The following MLXIP variants were observed in gnomAD, a reference collection of about 807,000 sequenced individuals.
MLXIP encodes the protein MLX-interacting protein.
Under a neutral mutation model 87.2 loss-of-function variants are expected in MLXIP, and 30 were observed. The ratio of observed to expected loss-of-function variants is 0.34; its 90% CI spans 0.26 to 0.47. The LOEUF (loss-of-function observed/expected upper bound fraction) is 0.47. Among genes scored for constraint, MLXIP ranks in the 20% least tolerant of loss-of-function variants. The pLI, the probability that MLXIP is intolerant of heterozygous loss-of-function variation, is 1.00. For synonymous variants in MLXIP, 530 were observed against 514.0 expected (o/e 1.03, Z -0.42); for missense variants, 1,002 against 1,240.1 (o/e 0.81, Z 2.88).
chr12:122,117,450 A>G (rs1952709749), intron 1 of MLXIP, among the ~76,000 whole-genome samples: 1 of 152,244 alleles, frequency 6.6e-6, no homozygotes. Flanking sequence ...CCCACATCCC[A>G]GGACTAGCCG....
chr12:122,132,768 TG>T (rs11315875), intron 8 of MLXIP: 97,033 of 197,106 alleles, frequency 0.49, 24,849 homozygotes, highest in Admixed American at 0.57. Context: ...TACAGGTGCT[TG>T]GGGCTACAGA....
At chr12:122,099,545 G>A (rs1184135650) in intron 1 of MLXIP, among the ~76,000 whole-genome samples, 2 of 152,232 alleles carry the variant, frequency 1.3e-5, no homozygotes, top group African/African-American at 2.4e-5. Context: ...CCTGCAGCCC[G>A]GGCTGATTTC....
intron 1 of MLXIP, among the ~76,000 whole-genome samples, chr12:122,100,192 CCT>C (rs1003922241): frequency 6.6e-6 from 1 of 152,156 alleles, no homozygotes; most frequent in African/African-American, 2.4e-5. Context: ...TTGGGAAGCA[CCT>C]CTGTGGTACC....
chr12:122,110,807 G>A lies in MLXIP; in HGVS notation c.414-16449G>A, dbSNP rs546330332. ...AAAAATAAAAAAAGGGCTGGGCGCA[G>A]TGGCTCACGCCTGTAATCCCAGCAC... On this transcript the variant is annotated intron_variant, in intron 1 of 16. Coordinates refer to ENST00000319080, the MANE Select transcript of MLXIP (RefSeq NM_014938.6). 1.3e-5 allele frequency among the ~76,000 whole-genome samples: 2 copies of A among 152,088 alleles called. 1 individual carries two copies. Among genetic ancestry groups the A allele is most frequent in the South Asian group, 4.2e-4 (2 of 4,818 alleles).
At chr12:122,122,646 A>G (rs1159123905) in intron 1 of MLXIP, among the ~76,000 whole-genome samples, 1 of 151,454 alleles carries the variant, frequency 6.6e-6, no homozygotes, top group African/African-American at 2.4e-5. Flanking sequence ...GGTTCACGCC[A>G]TTCTCCGGCC....
intron 4 of MLXIP, 153 bp from the exon 5 acceptor site, chr12:122,129,435 G>A (rs1028070685): frequency 2.2e-6 from 1 of 448,380 alleles, no homozygotes; most frequent in Non-Finnish European, 2.9e-6. Context: ...CCCCATCTGT[G>A]CACTGGGTGG....
In MLXIP at chr12:122,137,017, G is replaced by A. The variant is rs956852862; in HGVS notation, c.2033-452G>A. On this transcript the variant is annotated intron_variant, in intron 11 of 16. Transcript: ENST00000319080. The surrounding 1 kb of genome is among the most constrained non-coding windows in gnomAD (Gnocchi z 4.1). ...GGGCCGAGAAGGCCGAGTCCACCTGGGACTGAGCACGGTCACTCACTCCTC... is the reference window on the plus strand; with the variant it reads ...GGGCCGAGAAGGCCGAGTCCACCTGAGACTGAGCACGGTCACTCACTCCTC... 1 of 152,184 alleles carries A rather than the reference G, an allele frequency of 6.6e-6. No individual in the cohort carries two copies. The highest frequency in any genetic ancestry group is 2.4e-5 in the African/African-American group (1 of 41,372). The allele number at this position is 152,184 out of a possible 1,614,324, so 9.4% of individuals were successfully genotyped here. A position where few individuals can be genotyped will look rare whatever the true frequency, so the allele number is the denominator to read the frequency against.
At chr12:122,092,475 A>T (rs1006653153) in intron 1 of MLXIP, among the ~76,000 whole-genome samples, 7 of 152,110 alleles carry the variant, frequency 4.6e-5, no homozygotes, top group African/African-American at 1.2e-4. Flanking sequence ...CAGGACCATA[A>T]TCTTCTGAAT....
At chr12:122,122,370 A>T (rs77602909) in intron 1 of MLXIP, among the ~76,000 whole-genome samples, 2,949 of 151,698 alleles carry the variant, frequency 0.019, 101 homozygotes, top group African/African-American at 0.068. Flanking sequence ...TGGGCTTTGT[A>T]AAAAAAATTT....
chr12:122,129,405 G>T, intron 4 of MLXIP, 179 bp downstream of exon 4: 1 of 376,000 alleles, frequency 2.7e-6, no homozygotes, highest in Non-Finnish European at 3.7e-6. Context: ...CCTCGGTCAG[G>T]TTGTCTTTGC....
In MLXIP at chr12:122,094,195, GT is replaced by G. The variant is rs1952303995; in HGVS notation, c.413+14930del. Among the ~76,000 whole-genome samples, 46 of 40,314 alleles carry G rather than the reference GT, an allele frequency of 1.1e-3. 1 individual carries two copies. The South Asian group carries it at 0.031, about 28-fold the overall frequency. The allele number at this position is 40,314 out of a possible 152,430, so 26.4% of individuals were successfully genotyped here. A position where few individuals can be genotyped will look rare whatever the true frequency, so the allele number is the denominator to read the frequency against. ...TGTGTGGTGTTGGTGTGTGTTGTGT[GT>G]GTTGGTGTGTGGAGTGTGTGGGTGT... is the stretch of plus-strand genomic sequence containing the variant. On this transcript the variant is annotated intron_variant, in intron 1 of 16. Coordinates refer to ENST00000319080, the MANE Select transcript of MLXIP (RefSeq NM_014938.6).
rs377633494 is a variant in MLXIP at position 122,129,669 on chromosome 12, A to C, written c.738+40A>C. 5.0e-6 allele frequency: 8 copies of C among 1,607,956 alleles called. No homozygotes were observed. In the African/African-American group the frequency reaches 9.4e-5, roughly 19 times the overall value. On this transcript the variant is annotated intron_variant, in intron 5 of 16. Coordinates refer to ENST00000319080, the MANE Select transcript of MLXIP (RefSeq NM_014938.6). The stretch of plus-strand genomic sequence containing the variant: ...GAGCTCTGAGGACCCCCACTTTGAC[A>C]TGAGACAGCAGGGACTTCGGTGGCC...
intron 1 of MLXIP, among the ~76,000 whole-genome samples, chr12:122,103,175 A>ATATGTATGTATGTATG (rs199580759): frequency 9.3e-6 from 1 of 107,240 alleles, no homozygotes. Context: ...GGCTAATTTT[A>ATATGTATGTATGTATG]TATGTATGTA....
At chr12:122,086,538 C>G (rs1402876859) in intron 1 of MLXIP, among the ~76,000 whole-genome samples, 1 of 152,146 alleles carries the variant, frequency 6.6e-6, no homozygotes, top group Non-Finnish European at 1.5e-5. Context: ...AGCCTGAGCT[C>G]TCATTCCCTA....
chr12:122,083,709 C>T (rs1030603412), intron 1 of MLXIP, among the ~76,000 whole-genome samples: 11 of 152,156 alleles, frequency 7.2e-5, no homozygotes, highest in Non-Finnish European at 1.2e-4. Context: ...CCACCGGGCC[C>T]GGCTAACCCT....
At chr12:122,127,133 C>T (rs954851637) in intron 1 of MLXIP, 123 bp from the exon 2 acceptor site, 31 of 769,600 alleles carry the variant, frequency 4.0e-5, no homozygotes, top group South Asian at 1.6e-4. Context: ...TCCATGAAGC[C>T]GGGTGTATGG....
chr12:122,092,704 A>G (rs1952264605), intron 1 of MLXIP, among the ~76,000 whole-genome samples: 1 of 152,188 alleles, frequency 6.6e-6, no homozygotes, highest in Admixed American at 6.5e-5. Flanking sequence ...CTAAGGTGGG[A>G]CTGTTTGCAT....
In MLXIP at chr12:122,143,732, A is replaced by T. The variant is rs1284497156; in HGVS notation, c.*1920A>T. ...TTGGCTGAGCCAAGAACTCTCCTAAATCAGTGGCTTTCTCCCCACCCCTTG... is the reference window on the plus strand; with the variant it reads ...TTGGCTGAGCCAAGAACTCTCCTAATTCAGTGGCTTTCTCCCCACCCCTTG... On this transcript the variant is annotated 3_prime_UTR_variant, in exon 17 of 17. Transcript: ENST00000319080. 6.6e-6 allele frequency: 1 copy of T among 152,152 alleles called. No homozygotes were observed. Among genetic ancestry groups the T allele is most frequent in the African/African-American group, 2.4e-5 (1 of 41,414 alleles). The allele number at this position is 152,152 out of a possible 1,614,324, so 9.4% of individuals were successfully genotyped here.
Position 122,129,993 on chromosome 12 carries a change from T to G in MLXIP, c.791T>G (p.Val264Gly). Residue 264 changes from valine (V) to glycine (G), a missense_variant, in exon 6 of 17, where the codon GTC (valine) becomes GGC (glycine). Physicochemically the swap from Val to Gly is moderately radical, Grantham distance 109. Transcript: ENST00000319080. ...CACGGGGATGGATGGAAGACCCCCG[T>G]CCCCATGGAGGAGGATCCCCTGCTG... ...HKHGDGWKTP[V>G]PMEEDPLLDT... The G allele has an allele frequency of 3.1e-6, 5 of 1,613,972 alleles. No individual in the cohort carries two copies. The highest frequency in any genetic ancestry group is 4.2e-6 in the Non-Finnish European group (5 of 1,179,884).
Sources: allele counts gnomAD v4.1 joint callset (sites outside exome capture counted in the v4.1 genomes callset), GRCh38; gene constraint gnomAD v4.1.1; non-coding constraint Gnocchi (gnomAD v3.1); transcripts MANE v1.5; gene names NCBI Gene and HGNC (gene_info 2026-07-23, HGNC 2026-07-21).